The following B4GALT5 variants were observed in gnomAD, a reference collection of about 807,000 sequenced individuals.
B4GALT5 encodes the protein beta-1,4-galactosyltransferase 5, also known as UDP-Gal:beta-GlcNAc beta-1,4-galactosyltransferase 5.
A neutral mutation model predicts 45.0 loss-of-function variants in B4GALT5; 11 were observed. The observed-to-expected ratio is 0.24, with a 90% confidence interval of 0.15 to 0.40. The LOEUF is 0.40. B4GALT5 is among the 10% of genes least tolerant of loss of function. The pLI is 1.00. For missense variants in B4GALT5, 337 were observed against 500.2 expected (o/e 0.67, Z 3.11); for synonymous variants, 185 against 182.9 (o/e 1.01, Z -0.09).
chr20:49,690,622 AAATTT>A (rs2052903686), intron 1 of B4GALT5, among the ~76,000 whole-genome samples: 1 of 152,058 alleles, frequency 6.6e-6, no homozygotes, highest in African/African-American at 2.4e-5. Flanking sequence ...TCCTGAAGCT[AAATTT>A]AATACTTACA....
chr20:49,673,058 G>A (rs1176152408), intron 1 of B4GALT5, among the ~76,000 whole-genome samples: 1 of 152,006 alleles, frequency 6.6e-6, no homozygotes, highest in African/African-American at 2.4e-5. Context: ...ATCGAATCAA[G>A]CTCTTAGACT....
intron 2 of B4GALT5, among the ~76,000 whole-genome samples, chr20:49,655,899 G>A (rs1287950691): frequency 7.0e-6 from 1 of 143,394 alleles, no homozygotes; most frequent in Admixed American, 7.2e-5. Context: ...TTGCATGCCA[G>A]CCTGGATGAC....
At chr20:49,683,879 G>A (rs575058857) in intron 1 of B4GALT5, among the ~76,000 whole-genome samples, 6 of 152,030 alleles carry the variant, frequency 3.9e-5, no homozygotes, top group African/African-American at 1.4e-4. Flanking sequence ...GGTGGCTCAC[G>A]CCTGTAATCC....
intron 1 of B4GALT5, among the ~76,000 whole-genome samples, chr20:49,669,734 G>A (rs1830695037): frequency 6.6e-6 from 1 of 150,558 alleles, no homozygotes. Context: ...TTGGCACACA[G>A]ATGCTGTGAT....
rs535974379 is a variant in B4GALT5, at chr20:49,669,696, C to CAA, written c.116-12996_116-12995dup. On this transcript the variant is annotated intron_variant, in intron 1 of 8. Coordinates refer to ENST00000371711, the MANE Select transcript of B4GALT5 (RefSeq NM_004776.4). ...GGGCAACAAGAGCGAAACTCCACCT[C>CAA]AAAAAAAAAAAAAAAAAGAATTATA... 6.6e-3 allele frequency among the ~76,000 whole-genome samples: 628 copies of CAA among 94,774 alleles called. 3 individuals are homozygous for CAA. Among genetic ancestry groups the CAA allele is most frequent in the East Asian group, 0.04 (139 of 3,514 alleles). 62.2% of individuals were successfully genotyped at this position (94,774 alleles called of 152,430 possible).
intron 1 of B4GALT5, among the ~76,000 whole-genome samples, chr20:49,699,267 A>T (rs1336360357): frequency 6.6e-6 from 1 of 151,282 alleles, no homozygotes; most frequent in Non-Finnish European, 1.5e-5. Context: ...TAATACATTC[A>T]TGACTAGCCA....
At chr20:49,685,945 ATT>A (rs1029015791) in intron 1 of B4GALT5, among the ~76,000 whole-genome samples, 11 of 151,740 alleles carry the variant, frequency 7.2e-5, no homozygotes, top group African/African-American at 2.7e-4. Context: ...AAAAAGTAGT[ATT>A]TGAGCATTGC....
At chr20:49,646,005 G>GT (rs1417089135) in intron 3 of B4GALT5, among the ~76,000 whole-genome samples, 2 of 151,980 alleles carry the variant, frequency 1.3e-5, no homozygotes, top group Non-Finnish European at 2.9e-5. Context: ...GGGCAACATA[G>GT]TAACACCCCA....
At chr20:49,643,324 C>T (rs762365584) in intron 4 of B4GALT5, among the ~76,000 whole-genome samples, 4 of 152,100 alleles carry the variant, frequency 2.6e-5, no homozygotes, top group African/African-American at 9.7e-5. Context: ...GGGTCTTGCT[C>T]GGTCATCAGA....
chr20:49,675,411 A>T (rs2085733100), intron 1 of B4GALT5, among the ~76,000 whole-genome samples: 1 of 152,164 alleles, frequency 6.6e-6, no homozygotes, highest in Admixed American at 6.5e-5. Context: ...TATTAACAAG[A>T]CGGCCACAGG....
intron 1 of B4GALT5, among the ~76,000 whole-genome samples, chr20:49,713,167 G>C (rs941331095): frequency 2.6e-5 from 4 of 151,868 alleles, no homozygotes; most frequent in Admixed American, 1.3e-4. Flanking sequence ...GGGGGACTGG[G>C]GTGCGGGGAA....
Position 49,635,455 on chromosome 20 carries a change from A to G in B4GALT5, c.*857T>C, listed in dbSNP as rs201538659. ...GGGCAAGACTCGTGGGGGGGGGAAG[A>G]AAGGGACAGAAGCCAGCTCCCAGCA... On this transcript the variant is annotated 3_prime_UTR_variant, in exon 9 of 9. Transcript: ENST00000371711. The G allele has an allele frequency of 1.4e-4, 21 of 151,574 alleles. No individual in the cohort carries two copies. Among genetic ancestry groups the G allele is most frequent in the Admixed American group, 1.4e-3 (21 of 15,198 alleles). The allele number at this position is 151,574 out of a possible 1,614,324, so 9.4% of individuals were successfully genotyped here. A position where few individuals can be genotyped will look rare whatever the true frequency, so the allele number is the denominator to read the frequency against.
chr20:49,684,868 A>C (rs2085779118), intron 1 of B4GALT5, among the ~76,000 whole-genome samples: 1 of 152,202 alleles, frequency 6.6e-6, no homozygotes, highest in Non-Finnish European at 1.5e-5. Context: ...CAGTCTTAGG[A>C]GAGTTAGAAA....
intron 1 of B4GALT5, among the ~76,000 whole-genome samples, chr20:49,670,150 C>A (rs1171094555): frequency 6.6e-6 from 1 of 152,194 alleles, no homozygotes; most frequent in Non-Finnish European, 1.5e-5. Context: ...TAAACTGTGA[C>A]ACAAAACTTG....
At chr20:49,708,079 C>CAA (rs11469156) in intron 1 of B4GALT5, among the ~76,000 whole-genome samples, 2 of 119,130 alleles carry the variant, frequency 1.7e-5, no homozygotes, top group African/African-American at 6.4e-5. Context: ...ACTAAAAATA[C>CAA]AAAAAAAAAA....
Position 49,640,464 on chromosome 20 carries a change from G to A in B4GALT5, c.794+14C>T. The stretch of plus-strand genomic sequence containing the variant: ...CAGATTTAACCTCTTTAATTAAGAA[G>A]AAATGATACTCACAGATACATATAC... On this transcript the variant is annotated intron_variant, in intron 6 of 8. Coordinates refer to ENST00000371711, the MANE Select transcript of B4GALT5 (RefSeq NM_004776.4). The A allele has an allele frequency of 6.4e-7, 1 of 1,553,652 alleles. No individual in the cohort carries two copies. Among genetic ancestry groups the A allele is most frequent in the Non-Finnish European group, 8.7e-7 (1 of 1,153,464 alleles).
chr20:49,711,076 C>CAA (rs5841766), intron 1 of B4GALT5, among the ~76,000 whole-genome samples: 14 of 131,922 alleles, frequency 1.1e-4, no homozygotes, highest in African/African-American at 3.4e-4. Context: ...GACTCTCTAT[C>CAA]AAAAAAAAAA....
chr20:49,713,226 G>C (rs190642409), intron 1 of B4GALT5, among the ~76,000 whole-genome samples: 2 of 151,994 alleles, frequency 1.3e-5, no homozygotes, highest in East Asian at 1.9e-4. Flanking sequence ...AAGGGGAAGC[G>C]GGAGTTCTCG....
intron 7 of B4GALT5, among the ~76,000 whole-genome samples, chr20:49,638,397 G>A (rs930400014): frequency 6.6e-6 from 1 of 152,168 alleles, no homozygotes; most frequent in African/African-American, 2.4e-5. Context: ...AGCTACAAAG[G>A]AAACAGATAC....
Sources: allele counts gnomAD v4.1 joint callset (sites outside exome capture counted in the v4.1 genomes callset), GRCh38; gene constraint gnomAD v4.1.1; transcripts MANE v1.5; gene names NCBI Gene and HGNC (gene_info 2026-07-23, HGNC 2026-07-21).